Variants in ERI1 observed in about 807,000 individuals in gnomAD.
ERI1 encodes 3'-5' exoribonuclease 1.
A neutral mutation model predicts 39.7 loss-of-function variants in ERI1; 39 were observed. The ratio of observed to expected loss-of-function variants is 0.98; its 90% CI spans 0.76 to 1.28. The LOEUF is 1.28. Among genes scored for constraint, ERI1 ranks in the 50% most tolerant of loss-of-function variants. ERI1 has a pLI of 0.00. For synonymous variants in ERI1, 204 were observed against 149.6 expected (o/e 1.36, Z -2.65); for missense variants, 581 against 416.9 (o/e 1.39, Z -3.43).
intron 3 of ERI1, among the ~76,000 whole-genome samples, chr8:9,015,733 AAAAAAAAAG>A (rs1404392132): frequency 5.3e-5 from 8 of 151,028 alleles, no homozygotes; most frequent in African/African-American, 7.3e-5. Context: ...AAAAAAAAAA[AAAAAAAAAG>A]AGACCATCGT....
At chr8:9,093,210 G>A (rs970128822) in intron 3 of ERI1, among the ~76,000 whole-genome samples, 1 of 152,122 alleles carries the variant, frequency 6.6e-6, no homozygotes, top group Admixed American at 6.5e-5. Flanking sequence ...TAATTGTCTT[G>A]GGCCGCACGT....
chr8:9,019,245 C>G (rs1817630837), intron 5 of ERI1, among the ~76,000 whole-genome samples: 1 of 152,144 alleles, frequency 6.6e-6, no homozygotes, highest in African/African-American at 2.4e-5. Flanking sequence ...AAAGAACGTC[C>G]TAAACAACTT....
chr8:9,021,774 GTTTTTTTTT>G (rs200507835), intron 6 of ERI1, among the ~76,000 whole-genome samples: 13 of 88,332 alleles, frequency 1.5e-4, no homozygotes, highest in Middle Eastern at 6.3e-3. Context: ...TGTTTTTTTT[GTTTTTTTTT>G]TTTTTTCAAT....
chr8:9,100,056 A>G (rs1265726301), intron 3 of ERI1: 1 of 152,694 alleles, frequency 6.5e-6, no homozygotes, highest in East Asian at 1.9e-4. Flanking sequence ...TAAGTGCATT[A>G]TTCATTAACC....
At chr8:9,028,977 T>G (rs1040117316) in intron 6 of ERI1, among the ~76,000 whole-genome samples, 5 of 147,332 alleles carry the variant, frequency 3.4e-5, no homozygotes, top group Non-Finnish European at 6.0e-5. Context: ...GTGAGAGTTT[T>G]TTTTTTTTTT....
chr8:9,058,858 T>G (rs567344381), intron 3 of ERI1, among the ~76,000 whole-genome samples: 46 of 151,890 alleles, frequency 3.0e-4, no homozygotes, highest in Admixed American at 8.5e-4. Flanking sequence ...AATAAATAAA[T>G]AAATAAATAA....
intron 5 of ERI1, among the ~76,000 whole-genome samples, chr8:9,019,014 A>G (rs1053333629): frequency 6.6e-6 from 1 of 152,214 alleles, no homozygotes; most frequent in African/African-American, 2.4e-5. Flanking sequence ...TTGTGTACAT[A>G]CATAAGACTT....
chr8:9,057,341 A>T (rs988409849), intron 3 of ERI1, among the ~76,000 whole-genome samples: 10 of 152,088 alleles, frequency 6.6e-5, no homozygotes, highest in African/African-American at 2.4e-4. Flanking sequence ...AATTTTTTTC[A>T]GGTGCTTTGC....
At chr8:9,005,572 C>A (rs1043152770) in intron 1 of ERI1, among the ~76,000 whole-genome samples, 20 of 147,506 alleles carry the variant, frequency 1.4e-4, no homozygotes, top group African/African-American at 4.0e-4. Context: ...TGGAGTGCAG[C>A]GGCTCAGTCT....
chr8:9,097,974 C>T (rs1799931400), intron 3 of ERI1, among the ~76,000 whole-genome samples: 1 of 152,146 alleles, frequency 6.6e-6, no homozygotes, highest in African/African-American at 2.4e-5. Flanking sequence ...TTTGCAGCAA[C>T]CTGAGTGGAA....
At chr8:9,046,942 G>C (rs1387437678) in intron 3 of ERI1, among the ~76,000 whole-genome samples, 1 of 152,172 alleles carries the variant, frequency 6.6e-6, no homozygotes, top group Non-Finnish European at 1.5e-5. Context: ...CTCACCCTCC[G>C]AATCAGCCTG....
intron 6 of ERI1, among the ~76,000 whole-genome samples, chr8:9,023,793 C>CATTTTTT (rs1818180466): frequency 1.2e-5 from 1 of 80,532 alleles, no homozygotes; most frequent in Non-Finnish European, 2.1e-5. Context: ...GTAAAAATGA[C>CATTTTTT]TTTTTTTTTT....
chr8:9,037,381 T>A (rs1486110500), downstream of ERI1, among the ~76,000 whole-genome samples: 2 of 152,220 alleles, frequency 1.3e-5, no homozygotes, highest in Non-Finnish European at 2.9e-5. Flanking sequence ...ATTTCAGCCT[T>A]CTTCCCAGAC....
At chr8:9,023,821 C>CGG (rs1818184631) in intron 6 of ERI1, among the ~76,000 whole-genome samples, 1 of 39,494 alleles carries the variant, frequency 2.5e-5, no homozygotes, top group African/African-American at 8.5e-5. Flanking sequence ...TTTTTTGAGG[C>CGG]GGAGTCTCAC....
rs372825630 is a variant in ERI1 at position 9,018,276 on chromosome 8, A to G, written c.583-21A>G. 2.6e-5 allele frequency: 38 copies of G among 1,484,664 alleles called. No individual in the cohort carries two copies. The African/African-American group carries it at 5.2e-4, about 20-fold the overall frequency. The allele number at this position is 1,484,664 out of a possible 1,614,324, so 92.0% of individuals were successfully genotyped here. On this transcript the variant is annotated intron_variant, in intron 4 of 6. Transcript: ENST00000250263. ...GAAGCTGCAGCCCTGATTTTTGTAT[A>G]TTTTACTTTTATATCCTCAGGATCA...
chr8:9,027,136 G>GGTGT (rs780775904), intron 6 of ERI1, among the ~76,000 whole-genome samples: 17,954 of 137,418 alleles, frequency 0.13, 1,481 homozygotes, highest in Non-Finnish European at 0.18. Context: ...GTTATTTTCT[G>GGTGT]GTGTGTGTGT....
chr8:9,045,433 G>A (rs1020334443), intron 3 of ERI1, among the ~76,000 whole-genome samples: 6 of 151,790 alleles, frequency 4.0e-5, no homozygotes, highest in African/African-American at 1.5e-4. Flanking sequence ...AGCTTAATAG[G>A]CAGGCTCTCA....
intron 3 of ERI1, 43 bp downstream of exon 3, chr8:9,011,795 T>A: frequency 2.1e-6 from 3 of 1,450,982 alleles, no homozygotes; most frequent in Non-Finnish European, 2.8e-6. Context: ...TAGCAGCAAC[T>A]ATTCTGGTGT....
At chr8:9,012,774 G>A (rs1042835910) in intron 3 of ERI1, among the ~76,000 whole-genome samples, 6 of 152,146 alleles carry the variant, frequency 3.9e-5, no homozygotes, top group Admixed American at 6.5e-5. Context: ...TTCACACTGT[G>A]TAAAAACTTC....
Sources: allele counts gnomAD v4.1 joint callset (sites outside exome capture counted in the v4.1 genomes callset), GRCh38; gene constraint gnomAD v4.1.1; transcripts MANE v1.5; gene names NCBI Gene and HGNC (gene_info 2026-07-23, HGNC 2026-07-21).